NTNG1: variants seen among roughly 807,000 people sequenced by gnomAD.
NTNG1 encodes the protein netrin G1.
In NTNG1, 16 loss-of-function variants were observed where a neutral mutation model predicts 54.0. The ratio of observed to expected loss-of-function variants is 0.30; its 90% CI spans 0.20 to 0.45. The LOEUF (loss-of-function observed/expected upper bound fraction) is 0.45, where lower values mean the gene tolerates loss of function less well. Ranked by LOEUF, NTNG1 falls within the 20% of genes least tolerant of loss-of-function variation. The pLI, the probability that NTNG1 is intolerant of heterozygous loss-of-function variation, is 1.00. For synonymous variants in NTNG1, 255 were observed against 263.1 expected (o/e 0.97, Z 0.30); for missense variants, 530 against 678.7 (o/e 0.78, Z 2.43).
At chr1:107,436,099 A>C (rs1454793820) in intron 6 of NTNG1, among the ~76,000 whole-genome samples, 1 of 152,214 alleles carries the variant, frequency 6.6e-6, no homozygotes, top group East Asian at 1.9e-4. Flanking sequence ...GGGCTGCATA[A>C]AAGCTGCATT....
chr1:107,382,820 A>G (rs1036067134), intron 3 of NTNG1, among the ~76,000 whole-genome samples: 29 of 151,540 alleles, frequency 1.9e-4, no homozygotes, highest in African/African-American at 6.3e-4. Context: ...TTAAAACTTC[A>G]ACTTTTCCAA....
chr1:107,148,461 A>T lies in NTNG1; in HGVS notation c.-133A>T, dbSNP rs568232870. ...CTGCTTTGAGGTCCCATCTTCATTTAAAAAAAAATACAGAGACCTACCTAC... is the reference window on the plus strand; with the variant it reads ...CTGCTTTGAGGTCCCATCTTCATTTTAAAAAAAATACAGAGACCTACCTAC... On this transcript the variant is annotated 5_prime_UTR_variant, in exon 2 of 8. Coordinates refer to ENST00000370068, the MANE Select transcript of NTNG1 (RefSeq NM_001113226.3). The T allele has an allele frequency of 2.2e-5, 14 of 647,498 alleles. No homozygotes were observed. The highest frequency in any genetic ancestry group is 1.3e-4 in the African/African-American group (7 of 53,854). The allele number at this position is 647,498 out of a possible 1,614,324, so 40.1% of individuals were successfully genotyped here.
chr1:107,441,526 A>G (rs557368211), intron 7 of NTNG1, among the ~76,000 whole-genome samples: 8 of 152,284 alleles, frequency 5.3e-5, no homozygotes, highest in African/African-American at 1.9e-4. Context: ...CAAGGGGGAG[A>G]CAGATCACAT....
chr1:107,306,915 C>T (rs917485822), intron 2 of NTNG1, among the ~76,000 whole-genome samples: 7 of 152,116 alleles, frequency 4.6e-5, no homozygotes, highest in East Asian at 1.9e-4. Context: ...ACAGGGGCTC[C>T]GAAAGGTAGA....
At chr1:107,419,517 G>A (rs1326316159) in intron 5 of NTNG1, among the ~76,000 whole-genome samples, 1 of 151,610 alleles carries the variant, frequency 6.6e-6, no homozygotes, top group Non-Finnish European at 1.5e-5. Flanking sequence ...AAGCTGCAGT[G>A]TAATGTTAAA....
chr1:107,329,283 A>G (rs1055296343), intron 3 of NTNG1, among the ~76,000 whole-genome samples: 1 of 152,202 alleles, frequency 6.6e-6, no homozygotes. Flanking sequence ...GGCCAGGACC[A>G]GAGCCACTAT....
chr1:107,368,229 C>T, intron 3 of NTNG1, among the ~76,000 whole-genome samples: 1 of 151,984 alleles, frequency 6.6e-6, no homozygotes, highest in East Asian at 1.9e-4. Context: ...TTTCTCCCCT[C>T]TTCCTTCTTT....
chr1:107,193,539 T>C (rs778189559), intron 2 of NTNG1, among the ~76,000 whole-genome samples: 2 of 151,980 alleles, frequency 1.3e-5, no homozygotes, highest in Non-Finnish European at 2.9e-5. Flanking sequence ...ACTCTTGCTA[T>C]GTATTGGCCA....
At chr1:107,467,648 C>G (rs528737978) in intron 7 of NTNG1, among the ~76,000 whole-genome samples, 5 of 152,294 alleles carry the variant, frequency 3.3e-5, no homozygotes, top group African/African-American at 1.2e-4. Flanking sequence ...CTTTGTGGTT[C>G]AAATTTTGAG....
intron 3 of NTNG1, among the ~76,000 whole-genome samples, chr1:107,390,152 G>A (rs1672276532): frequency 1.3e-5 from 2 of 152,162 alleles, no homozygotes; most frequent in African/African-American, 2.4e-5. Context: ...CAAAGGAAGT[G>A]CCCTGGTGCC....
intron 2 of NTNG1, among the ~76,000 whole-genome samples, chr1:107,218,182 A>C (rs945417120): frequency 4.6e-5 from 7 of 152,116 alleles, no homozygotes; most frequent in Non-Finnish European, 1.0e-4. Flanking sequence ...CTGTTGGACT[A>C]GTTCTTTTAT....
At chr1:107,223,937 T>C (rs560633619) in intron 2 of NTNG1, among the ~76,000 whole-genome samples, 1 of 152,272 alleles carries the variant, frequency 6.6e-6, no homozygotes, top group East Asian at 1.9e-4. Flanking sequence ...ATGAAAATAT[T>C]AATGACAATA....
intron 3 of NTNG1, among the ~76,000 whole-genome samples, chr1:107,360,730 G>A (rs1670212052): frequency 6.6e-6 from 1 of 152,134 alleles, no homozygotes; most frequent in Non-Finnish European, 1.5e-5. Flanking sequence ...CATTTAAGTA[G>A]CAACTAATAT....
Position 107,324,848 on chromosome 1 carries a change from T to G in NTNG1, c.813T>G (p.Val271=). 6.2e-7 allele frequency: 1 copy of G among 1,613,520 alleles called. No homozygotes were observed. Among genetic ancestry groups the G allele is most frequent in the Non-Finnish European group, 8.5e-7 (1 of 1,179,686 alleles). The change falls in exon 3 of 8, where the codon GTT becomes GTG. Residue 271 remains valine, a synonymous_variant. Transcript: ENST00000370068. The part of the protein sequence containing the change: ...DLRIRLLRPA[V]GEIFVDELHL... ...GGATAAGGCTGTTAAGACCAGCCGT[T>G]GGGGAAATATTTGTAGATGAGCTAC...
intron 2 of NTNG1, among the ~76,000 whole-genome samples, chr1:107,264,203 C>G (rs974179201): frequency 6.6e-6 from 1 of 152,126 alleles, no homozygotes; most frequent in African/African-American, 2.4e-5. Context: ...GCCACACCCC[C>G]TCCCCTCACC....
chr1:107,336,860 A>G (rs560413467), intron 3 of NTNG1, among the ~76,000 whole-genome samples: 1 of 152,170 alleles, frequency 6.6e-6, no homozygotes, highest in Admixed American at 6.6e-5. Context: ...GTCAATAAAC[A>G]TAGGCAAAGA....
At chr1:107,445,872 G>A (rs151276309) in intron 7 of NTNG1, among the ~76,000 whole-genome samples, 1 of 152,166 alleles carries the variant, frequency 6.6e-6, no homozygotes, top group East Asian at 1.9e-4. Context: ...TGAATTTCAT[G>A]TAATTTTCAT....
chr1:107,422,479 C>A (rs1674634357), intron 5 of NTNG1, among the ~76,000 whole-genome samples: 1 of 151,980 alleles, frequency 6.6e-6, no homozygotes, highest in African/African-American at 2.4e-5. Context: ...CCAATGAGGT[C>A]CAGACACATT....
Position 107,484,268 on chromosome 1 carries a change from A to G in NTNG1, c.*3428A>G, listed in dbSNP as rs1412396415. Among the ~76,000 whole-genome samples, 1 of 152,140 alleles carries G rather than the reference A, an allele frequency of 6.6e-6. No individual in the cohort carries two copies. Among genetic ancestry groups the G allele is most frequent in the East Asian group, 1.9e-4 (1 of 5,186 alleles). ...GAGTCCAGGGCTGAAAAATAAAGGG[A>G]TGAGGGGTAGGAAGGAGATAGACAA... is the stretch of plus-strand genomic sequence containing the variant. On this transcript the variant is annotated 3_prime_UTR_variant, in exon 8 of 8. Coordinates refer to ENST00000370068, the MANE Select transcript of NTNG1 (RefSeq NM_001113226.3).
Sources: gnomAD v4.1 joint callset for allele counts (sites outside exome capture counted in the v4.1 genomes callset) on GRCh38, gnomAD v4.1.1 for gene constraint, MANE v1.5 for transcripts, NCBI Gene and HGNC (gene_info 2026-07-23, HGNC 2026-07-21) for gene names.